The following ZDHHC21 variants were observed in gnomAD, a reference collection of about 807,000 sequenced individuals.
The protein encoded by ZDHHC21 is palmitoyltransferase ZDHHC21.
Under a neutral mutation model 34.6 loss-of-function variants are expected in ZDHHC21, and 15 were observed. The observed-to-expected ratio is 0.43, with a 90% CI of 0.29 to 0.67. The LOEUF (loss-of-function observed/expected upper bound fraction) is 0.67. Among genes scored for constraint, ZDHHC21 ranks in the 30% least tolerant of loss-of-function variants. The pLI, the probability that ZDHHC21 is intolerant of heterozygous loss-of-function variation, is 0.14. For missense variants in ZDHHC21, 344 were observed against 327.7 expected (o/e 1.05, Z -0.38); for synonymous variants, 142 against 101.8 (o/e 1.40, Z -2.38).
intron 5 of ZDHHC21, among the ~76,000 whole-genome samples, chr9:14,668,279 G>A (rs1834848886): frequency 7.6e-6 from 1 of 131,108 alleles, no homozygotes. Flanking sequence ...AAATACCTAG[G>A]AATCCAACTT....
intron 7 of ZDHHC21, among the ~76,000 whole-genome samples, chr9:14,657,799 TA>T (rs36018181): frequency 6.6e-6 from 1 of 152,180 alleles, no homozygotes; most frequent in Non-Finnish European, 1.5e-5. Flanking sequence ...CTCTGTCGCT[TA>T]AAAAAATTAT....
chr9:14,690,604 A>T (rs1036811593), intron 1 of ZDHHC21, among the ~76,000 whole-genome samples: 2 of 152,222 alleles, frequency 1.3e-5, no homozygotes, highest in Non-Finnish European at 2.9e-5. Flanking sequence ...AGGAAAAAGC[A>T]GCTTGAAAGG....
intron 7 of ZDHHC21, among the ~76,000 whole-genome samples, chr9:14,650,104 A>G (rs1830964634): frequency 6.6e-6 from 1 of 152,066 alleles, no homozygotes; most frequent in African/African-American, 2.4e-5. Context: ...CTGGTGTTGT[A>G]GGACAGGATT....
chr9:14,687,505 T>C (rs1016449956), intron 2 of ZDHHC21, among the ~76,000 whole-genome samples: 1 of 150,556 alleles, frequency 6.6e-6, no homozygotes, highest in African/African-American at 2.5e-5. Context: ...ACCCCGTCTC[T>C]ACCAAAAATA....
intron 6 of ZDHHC21, among the ~76,000 whole-genome samples, chr9:14,660,372 C>CAAAAAAAAAAAA (rs374162221): frequency 3.4e-5 from 2 of 58,792 alleles, no homozygotes. Flanking sequence ...GACTCCATCT[C>CAAAAAAAAAAAA]AAAAAAAAAA....
intron 6 of ZDHHC21, among the ~76,000 whole-genome samples, chr9:14,659,176 G>A (rs991685076): frequency 1.3e-5 from 2 of 152,112 alleles, no homozygotes; most frequent in African/African-American, 2.4e-5. Context: ...CACTGATATG[G>A]AAACAGGGAA....
chr9:14,639,830 T>G, intron 8 of ZDHHC21, 66 bp downstream of exon 8: 1 of 944,714 alleles, frequency 1.1e-6, no homozygotes, highest in South Asian at 2.4e-5. Context: ...CTATAACTTT[T>G]GAGAATTACA....
At chr9:14,640,786 G>A (rs1367236928) in intron 7 of ZDHHC21, among the ~76,000 whole-genome samples, 3 of 152,246 alleles carry the variant, frequency 2.0e-5, no homozygotes, top group Middle Eastern at 3.4e-3. Context: ...GAATTGAAAT[G>A]CTGTGATTTA....
intron 7 of ZDHHC21, among the ~76,000 whole-genome samples, chr9:14,652,014 T>C (rs935629465): frequency 8.6e-5 from 13 of 151,922 alleles, no homozygotes; most frequent in African/African-American, 2.7e-4. Context: ...AATTCAACAT[T>C]ATACTGGAAT....
intron 7 of ZDHHC21, among the ~76,000 whole-genome samples, chr9:14,648,474 C>T (rs567411218): frequency 6.0e-4 from 91 of 152,180 alleles, no homozygotes; most frequent in African/African-American, 1.6e-3. Flanking sequence ...GTCCCTAACT[C>T]ACTCCACTCA....
intron 6 of ZDHHC21, among the ~76,000 whole-genome samples, chr9:14,659,501 A>C (rs1197754811): frequency 1.3e-5 from 2 of 152,224 alleles, no homozygotes; most frequent in Non-Finnish European, 2.9e-5. Context: ...TAATGTTACA[A>C]TAAAAAATTT....
chr9:14,647,829 C>T (rs533399014), intron 7 of ZDHHC21, among the ~76,000 whole-genome samples: 4 of 152,138 alleles, frequency 2.6e-5, no homozygotes, highest in Admixed American at 6.6e-5. Flanking sequence ...TTTTCTATTT[C>T]GAATTACTTC....
chr9:14,671,630 CT>C (rs1254557455), intron 5 of ZDHHC21, among the ~76,000 whole-genome samples: 1 of 151,952 alleles, frequency 6.6e-6, no homozygotes, highest in Non-Finnish European at 1.5e-5. Context: ...AGAATTTCCA[CT>C]GTAATGCTAT....
intron 1 of ZDHHC21, among the ~76,000 whole-genome samples, chr9:14,692,842 G>A (rs12115496): frequency 6.1e-4 from 89 of 145,518 alleles, no homozygotes; most frequent in African/African-American, 1.9e-3. Context: ...GTCTCCAGAC[G>A]GGGGTGCGGG....
At chr9:14,655,313 C>A (rs183198343) in intron 7 of ZDHHC21, among the ~76,000 whole-genome samples, 3 of 151,886 alleles carry the variant, frequency 2.0e-5, no homozygotes, top group Non-Finnish European at 4.4e-5. Flanking sequence ...GGAACCAACA[C>A]TGAGAGAATT....
chr9:14,669,435 G>A (rs1271185957), intron 5 of ZDHHC21, among the ~76,000 whole-genome samples: 2 of 147,570 alleles, frequency 1.4e-5, no homozygotes, highest in Non-Finnish European at 3.0e-5. Context: ...CATTGTGGAA[G>A]TCAGTGTGGC....
At chr9:14,640,321 AAAAAG>A (rs1298066653) in intron 7 of ZDHHC21, among the ~76,000 whole-genome samples, 1 of 150,646 alleles carries the variant, frequency 6.6e-6, no homozygotes, top group Non-Finnish European at 1.5e-5. Context: ...AAAAAAAAAA[AAAAAG>A]AAAGAAAGAA....
At chr9:14,672,142 G>A (rs990330357) in intron 5 of ZDHHC21, among the ~76,000 whole-genome samples, 4 of 152,010 alleles carry the variant, frequency 2.6e-5, no homozygotes, top group African/African-American at 9.7e-5. Context: ...AAATACTTCA[G>A]AGTAATTCAA....
chr9:14,660,095 G>A (rs1833068938), intron 6 of ZDHHC21, among the ~76,000 whole-genome samples: 1 of 152,038 alleles, frequency 6.6e-6, no homozygotes, highest in Non-Finnish European at 1.5e-5. Flanking sequence ...GCCAGGCGCG[G>A]TGACTCAAGC....
Sources: gnomAD v4.1 joint callset for allele counts (sites outside exome capture counted in the v4.1 genomes callset) on GRCh38, gnomAD v4.1.1 for gene constraint, MANE v1.5 for transcripts, NCBI Gene and HGNC (gene_info 2026-07-23, HGNC 2026-07-21) for gene names.